The following FUT8 variants were observed in gnomAD, a reference collection of about 807,000 sequenced individuals.
The protein encoded by FUT8 is alpha-(1,6)-fucosyltransferase.
In FUT8, 29 loss-of-function variants were observed where a neutral mutation model predicts 71.3. The ratio of observed to expected loss-of-function variants is 0.41; its 90% confidence interval spans 0.30 to 0.55. FUT8 has a LOEUF of 0.55. Among genes scored for constraint, FUT8 ranks in the 20% least tolerant of loss-of-function variants. The pLI is 0.34. For synonymous variants in FUT8, 254 were observed against 239.3 expected, an observed-to-expected ratio of 1.06 and a Z score of -0.57; for missense variants, 544 against 702.1, an observed-to-expected ratio of 0.77 and a Z score of 2.55.
chr14:65,586,868 C>G (rs1887415611), intron 3 of FUT8, among the ~76,000 whole-genome samples: 1 of 152,270 alleles, frequency 6.6e-6, no homozygotes, highest in Non-Finnish European at 1.5e-5. Context: ...GTTTTCCCCC[C>G]TACACGTTTT....
chr14:65,464,306 T>C (rs2066010398), intron 2 of FUT8, among the ~76,000 whole-genome samples: 1 of 128,946 alleles, frequency 7.8e-6, no homozygotes, highest in African/African-American at 2.9e-5. Flanking sequence ...CATCTGCAAA[T>C]AGAGAGTTTT....
intron 2 of FUT8, among the ~76,000 whole-genome samples, chr14:65,534,404 C>G (rs1056781651): frequency 6.6e-6 from 1 of 151,920 alleles, no homozygotes. Context: ...TTAGTATCAT[C>G]ATGATGCTGG....
chr14:65,692,417 C>T (rs1594902680), intron 7 of FUT8, among the ~76,000 whole-genome samples: 3 of 133,118 alleles, frequency 2.3e-5, no homozygotes, highest in East Asian at 6.0e-4. Flanking sequence ...CTGACCCCCC[C>T]ACCTCCCTCC....
intron 2 of FUT8, among the ~76,000 whole-genome samples, chr14:65,485,253 T>A (rs117051856): frequency 0.012 from 1,839 of 152,346 alleles, 15 homozygotes; most frequent in Middle Eastern, 0.024. Flanking sequence ...GCTTTATTCA[T>A]GTTTTCATGC....
chr14:65,490,712 G>A (rs2066469687), intron 2 of FUT8, among the ~76,000 whole-genome samples: 3 of 152,046 alleles, frequency 2.0e-5, no homozygotes, highest in Non-Finnish European at 4.4e-5. Flanking sequence ...CCAGAGCTTT[G>A]ATCTGGGGAG....
intron 1 of FUT8, among the ~76,000 whole-genome samples, chr14:65,442,508 G>C (rs1045023986): frequency 7.1e-6 from 1 of 140,362 alleles, no homozygotes; most frequent in Non-Finnish European, 1.6e-5. Context: ...TTGAGGTACT[G>C]ACCATCATAA....
chr14:65,427,227 C>T (rs148184439), intron 1 of FUT8, among the ~76,000 whole-genome samples: 61 of 152,250 alleles, frequency 4.0e-4, no homozygotes, highest in African/African-American at 1.3e-3. Context: ...CATATCTTAG[C>T]TATATGAATA....
chr14:65,364,834 A>G, the FUT8 span, among the ~76,000 whole-genome samples: 1 of 152,058 alleles, frequency 6.6e-6, no homozygotes, highest in Non-Finnish European at 1.5e-5. Context: ...TGCATCTTTA[A>G]TGATCCCATT....
chr14:65,389,163 A>C, the FUT8 span, among the ~76,000 whole-genome samples: 2 of 147,836 alleles, frequency 1.4e-5, no homozygotes, highest in African/African-American at 5.0e-5. Context: ...CTGACATACT[A>C]TATATATACA....
In FUT8 at chr14:65,575,628, T is replaced by C. The variant is rs1300758577; in HGVS notation, c.203+13862T>C. The stretch of plus-strand genomic sequence containing the variant: ...CTTCCTTCCTTCCTTCCTTCCTCTT[T>C]TTTTTTTTCCCCCACACTCTTGCTC... On this transcript the variant is annotated intron_variant, in intron 3 of 10. Transcript: ENST00000673929. Among the ~76,000 whole-genome samples the C allele has an allele frequency of 3.4e-5, 5 of 148,348 alleles. No individual in the cohort carries two copies. In the Admixed American group the frequency reaches 3.4e-4, roughly 10 times the overall value.
At chr14:65,611,257 A>AAGTAATAGCCTTGATTTTG (rs1888946263) in intron 3 of FUT8, among the ~76,000 whole-genome samples, 5 of 77,998 alleles carry the variant, frequency 6.4e-5, no homozygotes, top group African/African-American at 4.7e-4. Context: ...ACACACACAC[A>AAGTAATAGCCTTGATTTTG]CACACACACA....
At chr14:65,364,000 G>A in the FUT8 span, among the ~76,000 whole-genome samples, 146 of 152,302 alleles carry the variant, frequency 9.6e-4, no homozygotes, top group Non-Finnish European at 1.8e-3. Context: ...GCTCCTGGGT[G>A]ATTCTGATGC....
At chr14:65,529,807 A>C (rs1883811204) in intron 2 of FUT8, among the ~76,000 whole-genome samples, 1 of 152,176 alleles carries the variant, frequency 6.6e-6, no homozygotes, top group Admixed American at 6.5e-5. Flanking sequence ...TTTCTAGGGC[A>C]GTCTAGAGTA....
rs911496119 is a variant in FUT8 at position 65,693,270 on chromosome 14, C to G, written c.835+23790C>G. Among the ~76,000 whole-genome samples, 25 of 152,362 alleles carry G rather than the reference C, an allele frequency of 1.6e-4. 3 individuals are homozygous for G. The highest frequency in any genetic ancestry group is 5.5e-4 in the African/African-American group (23 of 41,592). On this transcript the variant is annotated intron_variant, in intron 7 of 10. Transcript: ENST00000673929. ...CTGCAATCCAGGCACCTCGGGAGGCCGAGGCTGGCGGATCACTCGCGGTTA... is the reference window on the plus strand; with the variant it reads ...CTGCAATCCAGGCACCTCGGGAGGCGGAGGCTGGCGGATCACTCGCGGTTA...
chr14:65,365,773 A>T, the FUT8 span, among the ~76,000 whole-genome samples: 8,690 of 152,216 alleles, frequency 0.057, 298 homozygotes, highest in Admixed American at 0.11. Flanking sequence ...AACCATATAA[A>T]TGGGCAACCA....
chr14:65,449,810 T>C (rs1566754633), intron 1 of FUT8, among the ~76,000 whole-genome samples: 1 of 152,234 alleles, frequency 6.6e-6, no homozygotes, highest in South Asian at 2.1e-4. Flanking sequence ...CTGTTTGAAG[T>C]CCAGCTTTGG....
chr14:65,523,844 T>A (rs1262479668), intron 2 of FUT8, among the ~76,000 whole-genome samples: 1 of 152,242 alleles, frequency 6.6e-6, no homozygotes, highest in East Asian at 1.9e-4. Context: ...CTTTCCCCAT[T>A]GCTTGTTTTT....
At chr14:65,428,162 G>A (rs926015101) in intron 1 of FUT8, among the ~76,000 whole-genome samples, 2 of 152,120 alleles carry the variant, frequency 1.3e-5, no homozygotes, top group African/African-American at 4.8e-5. Context: ...TCACAGCTGG[G>A]TAGACATTCA....
At chr14:65,365,327 TC>T in the FUT8 span, among the ~76,000 whole-genome samples, 1 of 108,876 alleles carries the variant, frequency 9.2e-6, no homozygotes, top group South Asian at 3.3e-4. Flanking sequence ...AATAAATTCT[TC>T]CTCTCTCTCT....
Sources: gnomAD v4.1 joint callset for allele counts (sites outside exome capture counted in the v4.1 genomes callset) on GRCh38, gnomAD v4.1.1 for gene constraint, MANE v1.5 for transcripts, NCBI Gene and HGNC (gene_info 2026-07-23, HGNC 2026-07-21) for gene names.